MFAP2: variants seen among roughly 807,000 people sequenced by gnomAD.
MFAP2 encodes the protein microfibril associated protein 2.
MFAP2 carries 23 observed loss-of-function variants against 30.6 expected under a neutral mutation model. The ratio of observed to expected loss-of-function variants is 0.75; its 90% CI spans 0.54 to 1.07. The LOEUF (loss-of-function observed/expected upper bound fraction) is 1.07. Among genes scored for constraint, MFAP2 ranks in the 50% least tolerant of loss-of-function variants. The pLI, the probability that MFAP2 is intolerant of heterozygous loss-of-function variation, is 0.00. For synonymous variants in MFAP2, 73 were observed against 85.7 expected, an observed-to-expected ratio of 0.85 and a Z score of 0.82; for missense variants, 198 against 223.8, an observed-to-expected ratio of 0.88 and a Z score of 0.74.
upstream of MFAP2, chr1:16,980,777 G>A (rs975548743): frequency 1.3e-5 from 2 of 152,374 alleles, no homozygotes; most frequent in African/African-American, 4.8e-5. Context: ...CCTGGGGGGG[G>A]GGGTGTCCCC....
chr1:16,978,192 A>T (rs2076608729), intron 2 of MFAP2, 45 bp downstream of exon 2: 4 of 1,548,970 alleles, frequency 2.6e-6, no homozygotes, highest in Non-Finnish European at 3.5e-6. Context: ...CCTACTCCTC[A>T]GCCCCACATA....
chr1:16,979,279 G>A (rs986955812), intron 1 of MFAP2, among the ~76,000 whole-genome samples: 1 of 152,182 alleles, frequency 6.6e-6, no homozygotes, highest in Non-Finnish European at 1.5e-5. Context: ...CCTCAGGTCC[G>A]TCAGCCTTCT....
In MFAP2 at chr1:16,976,148, G is replaced by A. The variant is rs867550237; in HGVS notation, c.286+353C>T. The A allele has an allele frequency of 2.4e-5, 12 of 502,578 alleles. No homozygotes were observed. The highest frequency in any genetic ancestry group is 1.5e-4 in the African/African-American group (8 of 51,850). The allele number at this position is 502,578 out of a possible 1,614,324, so 31.1% of individuals were successfully genotyped here. On this transcript the variant is annotated intron_variant, in intron 6 of 8. Transcript: ENST00000375535. The surrounding 1 kb of genome is among the most constrained non-coding windows in gnomAD (Gnocchi z 5.5). Reference sequence around the variant, plus strand: ...TCAGCTAGGGCAGCCGGAGGGCACCGCTCAGCCAGCCTGCACTCCCTGGCC... The same window carrying A: ...TCAGCTAGGGCAGCCGGAGGGCACCACTCAGCCAGCCTGCACTCCCTGGCC...
chr1:16,979,687 G>C (rs1557656363), intron 1 of MFAP2, among the ~76,000 whole-genome samples: 2 of 152,214 alleles, frequency 1.3e-5, no homozygotes, highest in Admixed American at 6.5e-5. Flanking sequence ...CAGGTCGGTC[G>C]GAGCCCCCGC....
Position 16,976,681 on chromosome 1 carries a change from C to T in MFAP2, c.241+27G>A, listed in dbSNP as rs374940371. 59 of 1,612,308 alleles carry T rather than the reference C, an allele frequency of 3.7e-5. No individual in the cohort carries two copies. The highest frequency in any genetic ancestry group is 1.7e-4 in the Middle Eastern group (1 of 6,044). The stretch of plus-strand genomic sequence containing the variant: ...GGGAGGGGTGAGGCAGGAGCTGAGA[C>T]GGGTGGGAGCAGGGTCTGGGGCCTA... On this transcript the variant is annotated intron_variant, in intron 5 of 8. Coordinates refer to ENST00000375535, the MANE Select transcript of MFAP2 (RefSeq NM_002403.4). This position sits in a 1 kb window ranked among gnomAD's most constrained non-coding sequence, Gnocchi z 5.5.
rs757201516 is a variant in MFAP2 at position 16,976,817 on chromosome 1, G to A, written c.155-23C>T. 2.5e-6 allele frequency: 4 copies of A among 1,613,940 alleles called. No homozygotes were observed. The highest frequency in any genetic ancestry group is 3.4e-6 in the Non-Finnish European group (4 of 1,179,982). On this transcript the variant is annotated intron_variant, in intron 4 of 8. Transcript: ENST00000375535. This position sits in a 1 kb window ranked among gnomAD's most constrained non-coding sequence, Gnocchi z 5.5. The stretch of plus-strand genomic sequence containing the variant: ...CCTCTGCAGCCAGGGGAGGATAAGG[G>A]GGTCTGCTCCCTCTACCCCTCCCAG...
Position 16,976,633 on chromosome 1 carries a change from C to T in MFAP2, c.241+75G>A, listed in dbSNP as rs1012374047. The T allele has an allele frequency of 1.2e-6, 2 of 1,610,840 alleles. No individual in the cohort carries two copies. The highest frequency in any genetic ancestry group is 1.3e-5 in the African/African-American group (1 of 74,814). ...CACCTCTCCCAGCCCTGGCAGACCC[C>T]CACTCCCAGGGTTGACAGGGTGGGG... On this transcript the variant is annotated intron_variant, in intron 5 of 8. Transcript: ENST00000375535. The surrounding 1 kb of genome is among the most constrained non-coding windows in gnomAD (Gnocchi z 5.5).
chr1:16,980,012 A>AC (rs1203037079), intron 1 of MFAP2, among the ~76,000 whole-genome samples: 140 of 140,652 alleles, frequency 1.0e-3, no homozygotes, highest in African/African-American at 3.6e-3. Context: ...GGCCTCCCCC[A>AC]CCCCCGACTC....
In MFAP2 at chr1:16,978,307, G is replaced by C. The variant is rs1289184052; in HGVS notation, c.-34C>G. 6.4e-7 allele frequency: 1 copy of C among 1,565,374 alleles called. No individual in the cohort carries two copies. The highest frequency in any genetic ancestry group is 8.7e-7 in the Non-Finnish European group (1 of 1,153,996). On this transcript the variant is annotated 5_prime_UTR_variant, in exon 2 of 9. Transcript: ENST00000375535. ...AGAGGCAGGCCGGGGTGGTGTCAGA[G>C]AGGACAGCTGGGGAAAGACCGGTGG...
intron 1 of MFAP2, chr1:16,979,033 C>T (rs1216174730): frequency 1.3e-5 from 2 of 152,298 alleles, no homozygotes; most frequent in Non-Finnish European, 2.9e-5. Flanking sequence ...TGAGGGGGCT[C>T]CTCTGGATCC....
Position 16,975,310 on chromosome 1 carries a change from A to C in MFAP2, c.407T>G (p.Ile136Ser), listed in dbSNP as rs529678128. The C allele has an allele frequency of 2.5e-5, 41 of 1,613,960 alleles. No homozygotes were observed. Among genetic ancestry groups the C allele is most frequent in the Non-Finnish European group, 3.3e-5 (39 of 1,179,932 alleles). The change falls in exon 8 of 9, where the codon ATC (isoleucine) becomes AGC (serine). Residue 136 changes from isoleucine to serine, a missense_variant. Transcript: ENST00000375535. The surrounding 1 kb of genome is among the most constrained non-coding windows in gnomAD (Gnocchi z 5.0). ...LRRVYVINKE[I>S]CVRTVCAHEE... ...ATGGGCACACACTGTACGAACACAGATCTCCTTGTTAATGACGTACACACG... is the reference window on the plus strand; with the variant it reads ...ATGGGCACACACTGTACGAACACAGCTCTCCTTGTTAATGACGTACACACG...
rs889347284 is a variant in MFAP2 at position 16,977,334 on chromosome 1, G to T, written c.38-136C>A. ...GGACCCCACAAGCAGATTCCTAGAG[G>T]ATCCAGACTCTTCTTCGATGGTAAA... On this transcript the variant is annotated intron_variant, in intron 2 of 8. Coordinates refer to ENST00000375535, the MANE Select transcript of MFAP2 (RefSeq NM_002403.4). 7.8e-6 allele frequency: 6 copies of T among 766,986 alleles called. No homozygotes were observed. In the African/African-American group the frequency reaches 1.1e-4, roughly 13 times the overall value. 47.5% of individuals were successfully genotyped at this position (766,986 alleles called of 1,614,324 possible). A position where few individuals can be genotyped will look rare whatever the true frequency, so the allele number is the denominator to read the frequency against.
rs753438705 is a variant in MFAP2, at chr1:16,975,665, G to T, written c.352C>A (p.Leu118Ile). 1.9e-6 allele frequency: 3 copies of T among 1,614,058 alleles called. No homozygotes were observed. The Admixed American group carries it at 5.0e-5, about 27-fold the overall frequency. The change falls in exon 7 of 9, where the codon CTC becomes ATC. Residue 118 changes from leucine to isoleucine, a missense_variant. Transcript: ENST00000375535. This position sits in a 1 kb window ranked among gnomAD's most constrained non-coding sequence, Gnocchi z 5.0. ...CACCTGTAGAAGCAGACCTCGTTGA[G>T]ACACTGTTTGCAAGGCCTGTGTATG... ...YSIHRPCKQCLNEVCFYSLRR... is the reference protein window; with the variant it reads ...YSIHRPCKQCINEVCFYSLRR...
rs148127837 is a variant in MFAP2, at chr1:16,977,838, A to C, written c.37+399T>G. 1.0e-3 allele frequency: 179 copies of C among 179,874 alleles called. 1 individual carries two copies. The highest frequency in any genetic ancestry group is 3.7e-3 in the African/African-American group (158 of 42,146). The allele number at this position is 179,874 out of a possible 1,614,324, so 11.1% of individuals were successfully genotyped here. ...GATTCTCTTCATTTGGCCAGTAGGG[A>C]CCCCCACAAGGTCAGGACTGTATAG... On this transcript the variant is annotated intron_variant, in intron 2 of 8. Transcript: ENST00000375535.
chr1:16,975,041 G>A lies in MFAP2; in HGVS notation c.449-18C>T, dbSNP rs1173556651. 2.4e-6 allele frequency: 2 copies of A among 828,676 alleles called. No homozygotes were observed. The highest frequency in any genetic ancestry group is 4.0e-6 in the Non-Finnish European group (2 of 496,788). 51.3% of individuals were successfully genotyped at this position (828,676 alleles called of 1,614,324 possible). ...GAGGTCAGCTATTGGGGGCAGGAAG[G>A]AGGCAGGGTCAGGGTGGAGCTGGGT... On this transcript the variant is annotated intron_variant, in intron 8 of 8. Transcript: ENST00000375535. The surrounding 1 kb of genome is among the most constrained non-coding windows in gnomAD (Gnocchi z 5.0).
In MFAP2 at chr1:16,978,296, G is replaced by A; in HGVS notation, c.-23C>T. On this transcript the variant is annotated 5_prime_UTR_variant, in exon 2 of 9. Transcript: ENST00000375535. ...CATGGCAACAAAGAGGCAGGCCGGG[G>A]TGGTGTCAGAGAGGACAGCTGGGGA... 2 of 1,570,578 alleles carry A rather than the reference G, an allele frequency of 1.3e-6. No individual in the cohort carries two copies. The highest frequency in any genetic ancestry group is 8.6e-7 in the Non-Finnish European group (1 of 1,157,110).
chr1:16,977,057 GA>G, intron 3 of MFAP2, 51 bp downstream of exon 3: 1 of 1,611,262 alleles, frequency 6.2e-7, no homozygotes, highest in Non-Finnish European at 8.5e-7. Flanking sequence ...GTCCCTGGCT[GA>G]GCCAGGCACA....
At chr1:16,977,406 G>T in intron 2 of MFAP2, 1 of 567,170 alleles carries the variant, frequency 1.8e-6, no homozygotes, top group South Asian at 2.2e-5. Context: ...ACCTTACCCT[G>T]CCCCTTCCTG....
chr1:16,978,287 C>G lies in MFAP2; in HGVS notation c.-14G>C, dbSNP rs775705135. ...GGCAGCTCTCATGGCAACAAAGAGG[C>G]AGGCCGGGGTGGTGTCAGAGAGGAC... is the stretch of plus-strand genomic sequence containing the variant. On this transcript the variant is annotated 5_prime_UTR_variant, in exon 2 of 9. Coordinates refer to ENST00000375535, the MANE Select transcript of MFAP2 (RefSeq NM_002403.4). The G allele has an allele frequency of 4.4e-6, 7 of 1,573,492 alleles. No homozygotes were observed. In the African/African-American group the frequency reaches 9.4e-5, roughly 21 times the overall value.
Sources: allele counts gnomAD v4.1 joint callset (sites outside exome capture counted in the v4.1 genomes callset), GRCh38; gene constraint gnomAD v4.1.1; non-coding constraint Gnocchi (gnomAD v3.1); transcripts MANE v1.5; gene names NCBI Gene and HGNC (gene_info 2026-07-23, HGNC 2026-07-21).